Variants in KIF20A observed in about 807,000 individuals in gnomAD.
KIF20A encodes the protein kinesin family member 20A.
A neutral mutation model predicts 113.0 loss-of-function variants in KIF20A; 66 were observed. The ratio of observed to expected loss-of-function variants is 0.58; its 90% confidence interval spans 0.48 to 0.72. KIF20A has a LOEUF of 0.72. Ranked by LOEUF, KIF20A falls within the 30% of genes least tolerant of loss-of-function variation. The pLI is 0.00. For synonymous variants in KIF20A, 376 were observed against 402.3 expected (o/e 0.93, Z 0.78); for missense variants, 927 against 1,077.6 (o/e 0.86, Z 1.96).
At chr5:138,179,247 C>T in intron 1 of KIF20A, 45 bp downstream of exon 1, 1 of 192,396 alleles carries the variant, frequency 5.2e-6, no homozygotes, top group South Asian at 8.5e-5. Flanking sequence ...AGCTCTTGCC[C>T]GCGCGGAATA....
In KIF20A at chr5:138,187,372, T is replaced by C; in HGVS notation, c.2632T>C (p.Ser878Pro). The C allele has an allele frequency of 6.2e-7, 1 of 1,614,030 alleles. No individual in the cohort carries two copies. Residue 878 changes from serine (S) to proline (P), a missense_variant, in exon 19 of 19, where the codon TCC becomes CCC. Coordinates refer to ENST00000394894, the MANE Select transcript of KIF20A (RefSeq NM_005733.3). ...PYARILRSRR[S>P]PLLKSGPFGK... ...TGCCCGGATCCTACGCTCACGGCGTTCCCCTTTACTCAAATCTGGGCCTTT... is the reference window on the plus strand; with the variant it reads ...TGCCCGGATCCTACGCTCACGGCGTCCCCCTTTACTCAAATCTGGGCCTTT...
Position 138,182,615 on chromosome 5 carries a change from C to A in KIF20A, c.544C>A (p.Arg182=). 6.2e-7 allele frequency: 1 copy of A among 1,614,154 alleles called. No individual in the cohort carries two copies. The change falls in exon 6 of 19, where the codon CGG becomes AGG. Residue 182 remains arginine, a synonymous_variant. Transcript: ENST00000394894. The part of the protein sequence containing the change: ...GTIKDGGILP[R]SLALIFNSLQ... ...CATCAAGGATGGAGGGATTCTCCCC[C>A]GGTCCCTGGCGCTGATCTTCAATAG...
intron 2 of KIF20A, among the ~76,000 whole-genome samples, chr5:138,180,137 A>C (rs986308550): frequency 6.6e-6 from 1 of 152,242 alleles, no homozygotes. Context: ...AATAATAGTT[A>C]TCTCTCTTTG....
Position 138,185,663 on chromosome 5 carries a change from A to C in KIF20A, c.2078A>C (p.Lys693Thr). 1 of 1,614,198 alleles carries C rather than the reference A, an allele frequency of 6.2e-7. No homozygotes were observed. The highest frequency in any genetic ancestry group is 8.5e-7 in the Non-Finnish European group (1 of 1,180,012). ...SASTQQLQEV[K>T]AKLQQCKAEL... The stretch of plus-strand genomic sequence containing the variant: ...TCCACCCAGCAGCTTCAGGAGGTTA[A>C]AGCTAAATTACAGCAGTGCAAAGCA... The change falls in exon 16 of 19, where the codon AAA becomes ACA. Residue 693 changes from lysine (K) to threonine (T), a missense_variant. Lys to Thr is a moderately conservative substitution (Grantham distance 78). Coordinates refer to ENST00000394894, the MANE Select transcript of KIF20A (RefSeq NM_005733.3).
Position 138,186,422 on chromosome 5 carries a change from A to G in KIF20A, c.2346A>G (p.Leu782=). ...CCTTGACCACTTGTGATGACATCTT[A>G]ATCAAACAGGTTAGGGCAAACTATA... ...RQALTTCDDI[L]IKQDQTLAEL... is the part of the protein sequence containing the mutation. Residue 782 remains leucine (L), a synonymous_variant, in exon 18 of 19, where the codon TTA becomes TTG. Transcript: ENST00000394894. The G allele has an allele frequency of 6.2e-7, 1 of 1,613,048 alleles. No individual in the cohort carries two copies. Among genetic ancestry groups the G allele is most frequent in the Non-Finnish European group, 8.5e-7 (1 of 1,179,802 alleles).
chr5:138,181,289 GA>G, intron 2 of KIF20A, 132 bp from the exon 3 acceptor site: 1 of 723,994 alleles, frequency 1.4e-6, no homozygotes, highest in Non-Finnish European at 2.4e-6. Flanking sequence ...TGGAACCAAA[GA>G]GTAGCTGCAC....
chr5:138,179,431 C>T, intron 1 of KIF20A: 1 of 476,904 alleles, frequency 2.1e-6, no homozygotes, highest in Non-Finnish European at 3.8e-6. Context: ...CTTTTGGAGC[C>T]AGATGTCTGT....
In KIF20A at chr5:138,183,201, G is replaced by T; in HGVS notation, c.865G>T (p.Ala289Ser). Residue 289 changes from alanine (A) to serine (S), a missense_variant, in exon 8 of 19, where the codon GCC (alanine) becomes TCC (serine). By Grantham distance (99) the Ala-to-Ser change is moderately conservative. Coordinates refer to ENST00000394894, the MANE Select transcript of KIF20A (RefSeq NM_005733.3). This position sits in a 1 kb window ranked among gnomAD's most constrained non-coding sequence, Gnocchi z 5.2. ...TSHRWAQPDT[A>S]PLPVPANIRF... ...TCATCGATGGGCACAGCCAGACACT[G>T]CCCCACTACCTGTCCCGGCAAACAT... 1 of 1,614,166 alleles carries T rather than the reference G, an allele frequency of 6.2e-7. No homozygotes were observed. Among genetic ancestry groups the T allele is most frequent in the Non-Finnish European group, 8.5e-7 (1 of 1,180,026 alleles).
intron 5 of KIF20A, 44 bp downstream of exon 5, chr5:138,182,505 GTGT>G: frequency 6.2e-7 from 1 of 1,612,412 alleles, no homozygotes; most frequent in African/African-American, 1.3e-5. Context: ...GCTGGTAATG[GTGT>G]TGTTTTTACC....
In KIF20A at chr5:138,184,906, G is replaced by A. The variant is rs969364707; in HGVS notation, c.1783G>A (p.Glu595Lys). 1 of 1,614,186 alleles carries A rather than the reference G, an allele frequency of 6.2e-7. No individual in the cohort carries two copies. The highest frequency in any genetic ancestry group is 1.1e-5 in the South Asian group (1 of 91,074). ...GCATCTCCGAGATGAAATTTGCAAT[G>A]AGATGGTAGAACAGATGCAACAGCG... Reference protein sequence around the residue: ...EMHLRDEICNEMVEQMQQREQ... With the variant: ...EMHLRDEICNKMVEQMQQREQ... The change falls in exon 14 of 19, where the codon GAG becomes AAG. Residue 595 changes from glutamate to lysine, a missense_variant. Physicochemically the swap from Glu to Lys is moderately conservative, Grantham distance 56 (BLOSUM62 1). Coordinates refer to ENST00000394894, the MANE Select transcript of KIF20A (RefSeq NM_005733.3).
Position 138,184,550 on chromosome 5 carries a change from C to T in KIF20A, c.1557C>T (p.Ser519=), listed in dbSNP as rs773637824. The T allele has an allele frequency of 1.9e-6, 3 of 1,614,096 alleles. No homozygotes were observed. The highest frequency in any genetic ancestry group is 2.2e-5 in the South Asian group (2 of 91,076). Residue 519 remains serine (S), a synonymous_variant, in exon 13 of 19, where the codon TCC becomes TCT. Coordinates refer to ENST00000394894, the MANE Select transcript of KIF20A (RefSeq NM_005733.3). ...CACCTATGCAACTGGGATTCCCATC[C>T]CTGCACTCGTTCATCAAGGAACATA... The part of the protein sequence containing the change: ...HAPPMQLGFP[S]LHSFIKEHSL...
chr5:138,180,684 T>G (rs1754648131), intron 2 of KIF20A, among the ~76,000 whole-genome samples: 1 of 152,134 alleles, frequency 6.6e-6, no homozygotes, highest in Non-Finnish European at 1.5e-5. Context: ...TTTTGGGTTT[T>G]TTTGTTTTCG....
In KIF20A at chr5:138,179,605, GC is replaced by G. The variant is rs766873585; in HGVS notation, c.-21-51del. ...AGGGACTTATTACCTAAAATTCGCG[GC>G]CCCTTCTGTCCCTAAAGGTTCTTCT... is the stretch of plus-strand genomic sequence containing the variant. On this transcript the variant is annotated intron_variant, in intron 1 of 18. Coordinates refer to ENST00000394894, the MANE Select transcript of KIF20A (RefSeq NM_005733.3). 222 of 1,504,306 alleles carry G rather than the reference GC, an allele frequency of 1.5e-4. 1 individual carries two copies. In the Middle Eastern group the frequency reaches 1.7e-3, roughly 11 times the overall value. 93.2% of individuals were successfully genotyped at this position (1,504,306 alleles called of 1,614,324 possible).
In KIF20A at chr5:138,182,481, G is replaced by A. The variant is rs370724756; in HGVS notation, c.514+20G>A. 1.7e-5 allele frequency: 28 copies of A among 1,612,942 alleles called. No individual in the cohort carries two copies. The African/African-American group carries it at 2.9e-4, about 17-fold the overall frequency. On this transcript the variant is annotated intron_variant, in intron 5 of 18. Coordinates refer to ENST00000394894, the MANE Select transcript of KIF20A (RefSeq NM_005733.3). ...TTCAAGGTGAGTAGTAAGCCTTCACGGGATTCCTGATTGGCTGGTAATGGT... is the reference window on the plus strand; with the variant it reads ...TTCAAGGTGAGTAGTAAGCCTTCACAGGATTCCTGATTGGCTGGTAATGGT...
rs957193479 is a variant in KIF20A, at chr5:138,183,814, C to T, written c.1208+58C>T. The T allele has an allele frequency of 2.5e-6, 4 of 1,574,248 alleles. No homozygotes were observed. In the East Asian group the frequency reaches 9.0e-5, roughly 35 times the overall value. On this transcript the variant is annotated intron_variant, in intron 10 of 18. Transcript: ENST00000394894. This position sits in a 1 kb window ranked among gnomAD's most constrained non-coding sequence, Gnocchi z 5.2. ...TGGCCATAAATGATAGTTGGGAAAG[C>T]ATGGAGGAGGTCCTCAGGGGAACTA...
chr5:138,186,563 A>T, intron 18 of KIF20A, 132 bp downstream of exon 18: 1 of 979,116 alleles, frequency 1.0e-6, no homozygotes, highest in East Asian at 2.8e-5. Context: ...TATATTTGCA[A>T]AATAAAAATA....
intron 1 of KIF20A, 110 bp from the exon 2 acceptor site, chr5:138,179,550 G>A: frequency 1.3e-6 from 1 of 766,704 alleles, no homozygotes; most frequent in African/African-American, 1.7e-5. Context: ...GGGAAAAGAA[G>A]TAGGAAGCGG....
In KIF20A at chr5:138,185,923, A is replaced by C. The variant is rs755100360; in HGVS notation, c.2126-38A>C. The stretch of plus-strand genomic sequence containing the variant: ...AAGAGGTTAGTCCAAGGCTAAAAAA[A>C]CCCCACATATTTTAAGTTTCCTGTT... On this transcript the variant is annotated intron_variant, in intron 16 of 18. Coordinates refer to ENST00000394894, the MANE Select transcript of KIF20A (RefSeq NM_005733.3). 16 of 1,583,142 alleles carry C rather than the reference A, an allele frequency of 1.0e-5. No homozygotes were observed. In the African/African-American group the frequency reaches 1.9e-4, roughly 19 times the overall value.
At position 138,182,616 on chromosome 5, in the gene KIF20A, G is replaced by A. The variant is rs148216162; in HGVS notation, c.545G>A (p.Arg182Gln). ...GTIKDGGILPRSLALIFNSLQ... is the reference protein window; with the variant it reads ...GTIKDGGILPQSLALIFNSLQ... ...ATCAAGGATGGAGGGATTCTCCCCC[G>A]GTCCCTGGCGCTGATCTTCAATAGC... is the stretch of plus-strand genomic sequence containing the variant. Residue 182 changes from arginine to glutamine, a missense_variant, in exon 6 of 19, where the codon CGG becomes CAG. Arg to Gln is a conservative substitution (Grantham distance 43). Coordinates refer to ENST00000394894, the MANE Select transcript of KIF20A (RefSeq NM_005733.3). 119 of 1,614,030 alleles carry A rather than the reference G, an allele frequency of 7.4e-5. No homozygotes were observed. Among genetic ancestry groups the A allele is most frequent in the Non-Finnish European group, 8.8e-5 (104 of 1,180,042 alleles).
Sources: allele counts gnomAD v4.1 joint callset (sites outside exome capture counted in the v4.1 genomes callset), GRCh38; gene constraint gnomAD v4.1.1; non-coding constraint Gnocchi (gnomAD v3.1); transcripts MANE v1.5; gene names NCBI Gene and HGNC (gene_info 2026-07-23, HGNC 2026-07-21).